RBFOX2: variants seen among roughly 807,000 people sequenced by gnomAD.
RBFOX2 encodes RNA binding protein fox-1 homolog 2.
A neutral mutation model predicts 49.1 loss-of-function variants in RBFOX2; 10 were observed. That is an observed-to-expected ratio of 0.20 (90% confidence interval 0.13 to 0.35). The LOEUF (loss-of-function observed/expected upper bound fraction) is 0.35, where lower values mean the gene tolerates loss of function less well. Among genes scored for constraint, RBFOX2 ranks in the 10% least tolerant of loss-of-function variants. The probability of loss-of-function intolerance (pLI) is 1.00; values close to 1 mark genes in which losing one functional copy is unlikely to be tolerated. For missense variants in RBFOX2, 323 were observed against 486.9 expected (o/e 0.66, Z 3.17); for synonymous variants, 183 against 187.4 (o/e 0.98, Z 0.19).
intron 1 of RBFOX2, among the ~76,000 whole-genome samples, chr22:35,846,719 C>T (rs2041271036): frequency 1.3e-5 from 2 of 152,122 alleles, no homozygotes; most frequent in Non-Finnish European, 2.9e-5. Context: ...AACACCACTG[C>T]ACTCCAGCCT....
chr22:35,855,310 T>A (rs1263415203), intron 1 of RBFOX2, among the ~76,000 whole-genome samples: 1 of 152,214 alleles, frequency 6.6e-6, no homozygotes, highest in Non-Finnish European at 1.5e-5. Flanking sequence ...TTTATAGTAT[T>A]AAAGTTCATG....
At chr22:35,896,589 C>T (rs2047874051) in intron 1 of RBFOX2, among the ~76,000 whole-genome samples, 1 of 152,158 alleles carries the variant, frequency 6.6e-6, no homozygotes. Context: ...AGTTACCTGC[C>T]ATAGTGGGGT....
intron 2 of RBFOX2, among the ~76,000 whole-genome samples, chr22:35,793,706 G>T (rs578051657): frequency 1.3e-5 from 2 of 152,222 alleles, no homozygotes; most frequent in East Asian, 3.9e-4. Flanking sequence ...ATTACTTTTA[G>T]ATTTATTTTA....
intron 1 of RBFOX2, among the ~76,000 whole-genome samples, chr22:35,987,287 T>C (rs1423502984): frequency 6.6e-6 from 1 of 152,226 alleles, no homozygotes; most frequent in Non-Finnish European, 1.5e-5. Flanking sequence ...GGCTGTTCTT[T>C]ACAATTCCTT....
chr22:35,980,464 TCAAAG>T (rs1185876025), intron 1 of RBFOX2, among the ~76,000 whole-genome samples: 2 of 152,176 alleles, frequency 1.3e-5, no homozygotes, highest in African/African-American at 4.8e-5. Context: ...GGTTTTCTAC[TCAAAG>T]CAAAGGAGTA....
At chr22:35,768,190 A>C (rs912776025) in intron 5 of RBFOX2, 67 bp downstream of exon 6, 1 of 1,536,316 alleles carries the variant, frequency 6.5e-7, no homozygotes, top group Non-Finnish European at 9.0e-7. Flanking sequence ...ATGTGAACTA[A>C]GTGAGGCAAC....
chr22:35,968,532 TAAAC>T (rs972051990), intron 1 of RBFOX2, among the ~76,000 whole-genome samples: 3 of 152,238 alleles, frequency 2.0e-5, no homozygotes, highest in Admixed American at 1.3e-4. Context: ...GCTAAGGTAG[TAAAC>T]AAGAAGAAAA....
intron 1 of RBFOX2, among the ~76,000 whole-genome samples, chr22:35,956,379 T>C (rs2055560262): frequency 6.6e-6 from 1 of 151,990 alleles, no homozygotes; most frequent in Non-Finnish European, 1.5e-5. Context: ...TTTTTTTAAT[T>C]AAGACAGGGT....
At chr22:35,789,669 C>T (rs1569116596) in intron 2 of RBFOX2, among the ~76,000 whole-genome samples, 1 of 152,208 alleles carries the variant, frequency 6.6e-6, no homozygotes, top group African/African-American at 2.4e-5. Context: ...TGAAACTCAA[C>T]CCCCATCCCC....
At chr22:35,934,035 G>C (rs951340806) in intron 1 of RBFOX2, among the ~76,000 whole-genome samples, 1 of 149,074 alleles carries the variant, frequency 6.7e-6, no homozygotes, top group Non-Finnish European at 1.5e-5. Context: ...TCAAGACACT[G>C]AAAACTTAGG....
chr22:35,789,456 T>C (rs1010336244), intron 2 of RBFOX2, among the ~76,000 whole-genome samples: 3 of 152,020 alleles, frequency 2.0e-5, no homozygotes, highest in Admixed American at 6.6e-5. Flanking sequence ...AGCAGGAGAA[T>C]TGCTTGAACC....
intron 1 of RBFOX2, among the ~76,000 whole-genome samples, chr22:35,883,998 CTCTTTT>C (rs2046258245): frequency 8.5e-6 from 1 of 117,972 alleles, no homozygotes; most frequent in African/African-American, 3.2e-5. Flanking sequence ...CTGTAGTTAT[CTCTTTT>C]TTTTTTTTTT....
chr22:35,929,647 C>T (rs918044486), intron 1 of RBFOX2, among the ~76,000 whole-genome samples: 5 of 151,928 alleles, frequency 3.3e-5, no homozygotes, highest in African/African-American at 1.2e-4. Context: ...TGTCCAAAAG[C>T]GACCATTTTT....
exon 1 of RBFOX2, chr22:36,028,450 G>A (rs1195114348): frequency 5.9e-6 from 7 of 1,179,334 alleles, no homozygotes; most frequent in Non-Finnish European, 7.3e-6. Context: ...CTCGCCTCCG[G>A]GAGCCGGGCG....
exon 1 of RBFOX2, chr22:36,028,492 G>A (rs941873333): frequency 9.1e-6 from 10 of 1,095,120 alleles, no homozygotes; most frequent in African/African-American, 1.7e-5. Flanking sequence ...CCTGGGCCTC[G>A]GCCCCGACTG....
At chr22:35,859,085 A>T (rs769841306) in intron 1 of RBFOX2, among the ~76,000 whole-genome samples, 1 of 152,226 alleles carries the variant, frequency 6.6e-6, no homozygotes, top group Non-Finnish European at 1.5e-5. Flanking sequence ...AGTAGAAAAT[A>T]ATACACACCA....
At chr22:35,826,591 T>A (rs560404583) in intron 1 of RBFOX2, among the ~76,000 whole-genome samples, 2 of 152,150 alleles carry the variant, frequency 1.3e-5, no homozygotes, top group East Asian at 3.9e-4. Context: ...CCTCCCCCCC[T>A]GCATCTCCTG....
exon 12 of RBFOX2, chr22:35,743,974 T>A (rs942277839): frequency 4.2e-5 from 17 of 400,924 alleles, no homozygotes; most frequent in African/African-American, 3.0e-4. Context: ...AAGAAAAAAA[T>A]GCACAATCTT....
exon 1 of RBFOX2, chr22:35,840,485 C>G: frequency 7.2e-7 from 1 of 1,382,512 alleles, no homozygotes; most frequent in Non-Finnish European, 9.3e-7. Context: ...CCCTGAATGC[C>G]TAAGGTAATT....
Sources: gnomAD v4.1 joint callset for allele counts (sites outside exome capture counted in the v4.1 genomes callset) on GRCh38, gnomAD v4.1.1 for gene constraint, MANE v1.5 for transcripts, NCBI Gene and HGNC (gene_info 2026-07-23, HGNC 2026-07-21) for gene names.